The following THSD4 variants were observed in gnomAD, a reference collection of about 807,000 sequenced individuals.
THSD4 encodes thrombospondin type-1 domain-containing protein 4.
A neutral mutation model predicts 119.0 loss-of-function variants in THSD4; 69 were observed. The observed-to-expected ratio is 0.58, with a 90% CI of 0.48 to 0.71. The LOEUF is 0.71. THSD4 is among the 30% of genes least tolerant of loss of function. THSD4 has a pLI of 0.00. For synonymous variants in THSD4, 524 were observed against 540.4 expected (o/e 0.97, Z 0.42); for missense variants, 1,393 against 1,391.1 (o/e 1.00, Z -0.02).
chr15:71,156,778 G>C (rs2040782448), intron 3 of THSD4, among the ~76,000 whole-genome samples: 3 of 152,178 alleles, frequency 2.0e-5, no homozygotes, highest in Admixed American at 2.0e-4. Flanking sequence ...TCAACTCCGT[G>C]AAAGTAGGAA....
At chr15:71,494,699 G>A (rs747829501) in intron 7 of THSD4, among the ~76,000 whole-genome samples, 24 of 152,128 alleles carry the variant, frequency 1.6e-4, no homozygotes, top group Admixed American at 5.2e-4. Flanking sequence ...CCCATCAGAG[G>A]AGGACAGAAG....
intron 17 of THSD4, among the ~76,000 whole-genome samples, chr15:71,773,221 A>G (rs1179526758): frequency 7.5e-6 from 1 of 133,148 alleles, no homozygotes; most frequent in East Asian, 2.0e-4. Flanking sequence ...AAAAAGAAAA[A>G]GAAAAAAGAA....
Position 71,400,716 on chromosome 15 carries a change from A to G in THSD4, c.1016-10971A>G, listed in dbSNP as rs76172403. Reference sequence around the variant, plus strand: ...CATTGTATCCACATGTTTCTAATTCATTTACACTTCACTCATCAGCATCTG... The same window carrying G: ...CATTGTATCCACATGTTTCTAATTCGTTTACACTTCACTCATCAGCATCTG... On this transcript the variant is annotated intron_variant, in intron 6 of 17. Coordinates refer to ENST00000261862, the MANE Select transcript of THSD4 (RefSeq NM_024817.3). Among the ~76,000 whole-genome samples the G allele has an allele frequency of 1.0e-2, 1,517 of 152,120 alleles. 10 individuals carry two copies. Among genetic ancestry groups the G allele is most frequent in the Non-Finnish European group, 0.014 (958 of 68,016 alleles).
intron 14 of THSD4, among the ~76,000 whole-genome samples, chr15:71,749,472 G>C (rs996352879): frequency 6.6e-6 from 1 of 152,126 alleles, no homozygotes. Flanking sequence ...AGGAGATCTA[G>C]GGAGTTTACC....
At chr15:71,260,305 T>C (rs2044376053) in intron 6 of THSD4, among the ~76,000 whole-genome samples, 1 of 152,208 alleles carries the variant, frequency 6.6e-6, no homozygotes, top group African/African-American at 2.4e-5. Context: ...ACTGATTTTT[T>C]GGAAAATTTC....
chr15:71,731,165 G>T lies in THSD4; in HGVS notation c.1578G>T (p.Val526=). ...ACCCAGGCGTGCACTACGAGTACGT[G>T]ATCATGGGGACCAACGCCATCAGCC... The part of the protein sequence containing the change: ...QPNPGVHYEY[V]IMGTNAISPQ... Residue 526 remains valine, a synonymous_variant, in exon 10 of 18, where the codon GTG becomes GTT. Coordinates refer to ENST00000261862, the MANE Select transcript of THSD4 (RefSeq NM_024817.3). 1 of 1,614,160 alleles carries T rather than the reference G, an allele frequency of 6.2e-7. No homozygotes were observed. The highest frequency in any genetic ancestry group is 8.5e-7 in the Non-Finnish European group (1 of 1,180,024).
At chr15:71,128,966 TGAGGCTGGTGGAG>T (rs1468123150) in intron 1 of THSD4, among the ~76,000 whole-genome samples, 1 of 152,106 alleles carries the variant, frequency 6.6e-6, no homozygotes, top group Non-Finnish European at 1.5e-5. Context: ...ATGGTTTAGA[TGAGGCTGGTGGAG>T]GAGGCTGGTG....
intron 8 of THSD4, among the ~76,000 whole-genome samples, chr15:71,695,362 AGT>A (rs997504924): frequency 1.3e-5 from 2 of 150,696 alleles, no homozygotes; most frequent in African/African-American, 4.9e-5. Flanking sequence ...TGTATGTATG[AGT>A]GTGTGTGTAT....
chr15:71,398,515 G>T (rs2046481609), intron 6 of THSD4, among the ~76,000 whole-genome samples: 6 of 152,116 alleles, frequency 3.9e-5, no homozygotes, highest in Admixed American at 2.6e-4. Context: ...CAGAAGGAGT[G>T]AAAGGGAGGA....
chr15:71,377,908 A>C (rs141210983), intron 6 of THSD4, among the ~76,000 whole-genome samples: 45,931 of 124,888 alleles, frequency 0.37, 7,809 homozygotes, highest in Middle Eastern at 0.46. Context: ...ACACACACAC[A>C]CACACAATTT....
At chr15:71,741,956 A>G (rs1341262246) in intron 11 of THSD4, among the ~76,000 whole-genome samples, 1 of 152,200 alleles carries the variant, frequency 6.6e-6, no homozygotes, top group African/African-American at 2.4e-5. Flanking sequence ...GCTCTGTCCC[A>G]GGCGGTGATG....
rs537936677 is a variant in THSD4 at position 71,625,872 on chromosome 15, G to T, written c.1153-34658G>T. ...GGGGCACAGCAGCTGGGATAGCACA[G>T]ACTGGCAGTCCATAATCCTGTTTAG... On this transcript the variant is annotated intron_variant, in intron 7 of 17. Coordinates refer to ENST00000261862, the MANE Select transcript of THSD4 (RefSeq NM_024817.3). Among the ~76,000 whole-genome samples, 4 of 152,314 alleles carry T rather than the reference G, an allele frequency of 2.6e-5. No individual in the cohort carries two copies. In the East Asian group the frequency reaches 5.8e-4, roughly 22 times the overall value.
chr15:71,320,855 G>C (rs2045257478), intron 6 of THSD4, among the ~76,000 whole-genome samples: 1 of 151,946 alleles, frequency 6.6e-6, no homozygotes, highest in Admixed American at 6.6e-5. Flanking sequence ...GTCTTTAACA[G>C]TTCTCAAATT....
At chr15:71,337,162 G>C (rs2045499259) in intron 6 of THSD4, among the ~76,000 whole-genome samples, 1 of 152,154 alleles carries the variant, frequency 6.6e-6, no homozygotes, top group Non-Finnish European at 1.5e-5. Flanking sequence ...GTCTTAGTTG[G>C]GTACAACACT....
chr15:71,488,862 C>T (rs1348725332), intron 7 of THSD4, among the ~76,000 whole-genome samples: 3 of 152,106 alleles, frequency 2.0e-5, no homozygotes, highest in African/African-American at 7.2e-5. Flanking sequence ...TCTGTTTATT[C>T]TACTATTAGC....
intron 7 of THSD4, among the ~76,000 whole-genome samples, chr15:71,447,109 A>ATT (rs1491223591): frequency 0.027 from 1,850 of 68,828 alleles, 91 homozygotes; most frequent in Non-Finnish European, 0.03. Flanking sequence ...TCTTCCCTCC[A>ATT]TTTTTTTTGT....
intron 7 of THSD4, among the ~76,000 whole-genome samples, chr15:71,524,748 C>G (rs1368403214): frequency 6.7e-6 from 1 of 148,382 alleles, no homozygotes; most frequent in Non-Finnish European, 1.5e-5. Context: ...AGGTGCCCAC[C>G]ACCACGCCCG....
chr15:71,740,269 A>T (rs2053209421), intron 11 of THSD4, among the ~76,000 whole-genome samples: 1 of 152,208 alleles, frequency 6.6e-6, no homozygotes, highest in Non-Finnish European at 1.5e-5. Flanking sequence ...GGCCAAAACC[A>T]TTTTGGTGAG....
At chr15:71,122,552 T>A (rs117510530) in intron 1 of THSD4, among the ~76,000 whole-genome samples, 106 of 152,346 alleles carry the variant, frequency 7.0e-4, no homozygotes, top group Middle Eastern at 3.4e-3. Context: ...ATACGCATAA[T>A]GCCACTGCTA....
Sources: gnomAD v4.1 joint callset for allele counts (sites outside exome capture counted in the v4.1 genomes callset) on GRCh38, gnomAD v4.1.1 for gene constraint, MANE v1.5 for transcripts, NCBI Gene and HGNC (gene_info 2026-07-23, HGNC 2026-07-21) for gene names.